LSM14B: variants seen among roughly 807,000 people sequenced by gnomAD.
The protein encoded by LSM14B is protein LSM14 homolog B.
LSM14B carries 8 observed loss-of-function variants against 42.1 expected under a neutral mutation model. The observed-to-expected ratio is 0.19, with a 90% CI of 0.11 to 0.34. The LOEUF is 0.34. Ranked by LOEUF, LSM14B falls within the 10% of genes least tolerant of loss-of-function variation. LSM14B has a pLI of 1.00. For missense variants in LSM14B, 396 were observed against 513.1 expected (o/e 0.77, Z 2.21); for synonymous variants, 219 against 209.7 (o/e 1.04, Z -0.38).
At position 62,122,504 on chromosome 20, in the gene LSM14B, T is replaced by A. The variant is rs2056428795; in HGVS notation, c.-163T>A. On this transcript the variant is annotated 5_prime_UTR_variant, in exon 1 of 9. Coordinates refer to ENST00000279068, the MANE Select transcript of LSM14B (RefSeq NM_144703.3). This position sits in a 1 kb window ranked among gnomAD's most constrained non-coding sequence, Gnocchi z 4.6. ...GCGCGCCCCTTCTTGGTTCGCTCGG[T>A]GCCCGCGCAGGCCCCTCGGGCGGTG... 2.7e-6 allele frequency: 1 copy of A among 374,644 alleles called. No individual in the cohort carries two copies. Among genetic ancestry groups the A allele is most frequent in the Non-Finnish European group, 3.7e-6 (1 of 272,206 alleles). 23.2% of individuals were successfully genotyped at this position (374,644 alleles called of 1,614,324 possible).
intron 3 of LSM14B, chr20:62,127,520 A>G: frequency 8.6e-7 from 1 of 1,156,444 alleles, no homozygotes; most frequent in Non-Finnish European, 1.3e-6. Flanking sequence ...GCTAGACACA[A>G]GACAAGTGTA....
At chr20:62,132,368 C>T (rs2056792428) in intron 7 of LSM14B, among the ~76,000 whole-genome samples, 1 of 152,180 alleles carries the variant, frequency 6.6e-6, no homozygotes, top group Admixed American at 6.5e-5. Flanking sequence ...CCGCGGGAAG[C>T]CATCAGAGGG....
chr20:62,126,239 CTGA>C, intron 2 of LSM14B, 62 bp from the exon 3 acceptor site: 1 of 1,610,978 alleles, frequency 6.2e-7, no homozygotes, highest in Non-Finnish European at 8.5e-7. Flanking sequence ...AACAAGCGCC[CTGA>C]TGAAGGCGTG....
chr20:62,122,917 G>C lies in LSM14B; in HGVS notation c.127+124G>C. The C allele has an allele frequency of 1.2e-6, 1 of 858,546 alleles. No homozygotes were observed. Among genetic ancestry groups the C allele is most frequent in the Non-Finnish European group, 1.5e-6 (1 of 664,688 alleles). The allele number at this position is 858,546 out of a possible 1,614,324, so 53.2% of individuals were successfully genotyped here. Reference sequence around the variant, plus strand: ...CCAGACCCCGCCCAGAACCCACCCAGGGCACACCCGGCCCGAGATCCCCTG... The same window carrying C: ...CCAGACCCCGCCCAGAACCCACCCACGGCACACCCGGCCCGAGATCCCCTG... On this transcript the variant is annotated intron_variant, in intron 1 of 8. Transcript: ENST00000279068. This position sits in a 1 kb window ranked among gnomAD's most constrained non-coding sequence, Gnocchi z 4.6.
intron 7 of LSM14B, among the ~76,000 whole-genome samples, chr20:62,133,033 C>T (rs763968054): frequency 1.3e-5 from 2 of 152,196 alleles, no homozygotes; most frequent in Admixed American, 6.5e-5. Context: ...CAACTAGTAT[C>T]ACTGCTTGCC....
Position 62,125,067 on chromosome 20 carries a change from G to C in LSM14B, c.291+287G>C, listed in dbSNP as rs1280018734. On this transcript the variant is annotated intron_variant, in intron 2 of 8. Coordinates refer to ENST00000279068, the MANE Select transcript of LSM14B (RefSeq NM_144703.3). The stretch of plus-strand genomic sequence containing the variant: ...AGCTAATTTTTGTAATTTTAGTAGA[G>C]ACGGGGTTTCACCATGTTGGCCAGG... Among the ~76,000 whole-genome samples the C allele has an allele frequency of 2.0e-5, 3 of 152,094 alleles. No individual in the cohort carries two copies. The South Asian group carries it at 6.2e-4, about 32-fold the overall frequency.
chr20:62,130,065 C>T lies in LSM14B; in HGVS notation c.595+113C>T. On this transcript the variant is annotated intron_variant, in intron 4 of 8. Coordinates refer to ENST00000279068, the MANE Select transcript of LSM14B (RefSeq NM_144703.3). This position sits in a 1 kb window ranked among gnomAD's most constrained non-coding sequence, Gnocchi z 4.1. ...AAAAATACTACTCCCCCATCCTAAG[C>T]CCCATGTGCTTTTGCAGGGCAGGCC... The T allele has an allele frequency of 7.1e-7, 1 of 1,414,654 alleles. No individual in the cohort carries two copies. Among genetic ancestry groups the T allele is most frequent in the Non-Finnish European group, 9.5e-7 (1 of 1,057,294 alleles). 87.6% of individuals were successfully genotyped at this position (1,414,654 alleles called of 1,614,324 possible).
chr20:62,129,987 A>G (rs1377711653), intron 4 of LSM14B, 35 bp downstream of exon 4: 26 of 1,575,508 alleles, frequency 1.7e-5, no homozygotes, highest in Non-Finnish European at 2.1e-5. Flanking sequence ...AGTTTGCTTG[A>G]TGTTCTAAAA....
chr20:62,125,899 A>G (rs2056582185), intron 2 of LSM14B, among the ~76,000 whole-genome samples: 1 of 152,146 alleles, frequency 6.6e-6, no homozygotes. Flanking sequence ...GTCTCTACCA[A>G]AAATACAAAA....
chr20:62,135,120 A>G lies in LSM14B; in HGVS notation c.*972A>G, dbSNP rs1238057415. 1.3e-5 allele frequency: 2 copies of G among 152,220 alleles called. No individual in the cohort carries two copies. The highest frequency in any genetic ancestry group is 3.8e-4 in the East Asian group (2 of 5,198). 9.4% of individuals were successfully genotyped at this position (152,220 alleles called of 1,614,324 possible). ...GGAGGGTGGGGTCTACATTTGTTGC[A>G]TGAGTCGATGGGTCAGAACTTTAGT... On this transcript the variant is annotated 3_prime_UTR_variant, in exon 9 of 9. Transcript: ENST00000279068.
chr20:62,124,573 C>T, intron 1 of LSM14B, 44 bp from the exon 2 acceptor site: 1 of 1,590,972 alleles, frequency 6.3e-7, no homozygotes, highest in Non-Finnish European at 8.6e-7. Context: ...GTTGATTGAA[C>T]TGGCTGAGGA....
At chr20:62,131,309 G>C in intron 6 of LSM14B, 47 bp from the exon 7 acceptor site, 1 of 1,546,726 alleles carries the variant, frequency 6.5e-7, no homozygotes, top group Non-Finnish European at 8.7e-7. Flanking sequence ...AAAAGGCTGT[G>C]CGCTCTGCCC....
At chr20:62,126,654 G>A (rs1424697184) in intron 3 of LSM14B, among the ~76,000 whole-genome samples, 1 of 152,202 alleles carries the variant, frequency 6.6e-6, no homozygotes, top group Non-Finnish European at 1.5e-5. Context: ...CCTGAGTGTT[G>A]GAACAGAAGA....
intron 7 of LSM14B, among the ~76,000 whole-genome samples, chr20:62,132,907 C>T (rs2056806505): frequency 6.6e-6 from 1 of 152,140 alleles, no homozygotes; most frequent in South Asian, 2.1e-4. Context: ...TCTATCCTAG[C>T]CTCCTCCTTG....
chr20:62,128,953 C>T, intron 3 of LSM14B: 8 of 1,304,016 alleles, frequency 6.1e-6, no homozygotes, highest in Non-Finnish European at 8.1e-6. Flanking sequence ...GATCTCTGTT[C>T]ACTTACACCC....
chr20:62,128,651 C>G (rs6121904), intron 3 of LSM14B, among the ~76,000 whole-genome samples: 100,313 of 152,106 alleles, frequency 0.66, 36,238 homozygotes, highest in Non-Finnish European at 0.8. Context: ...GTATGATCAG[C>G]AGGCAGGCAG....
intron 3 of LSM14B, chr20:62,127,889 G>C: frequency 1.4e-6 from 1 of 707,650 alleles, no homozygotes; most frequent in Non-Finnish European, 2.6e-6. Flanking sequence ...AAGGGATTAC[G>C]AAGAATCAGC....
rs74763052 is a variant in LSM14B, at chr20:62,126,209, C to G, written c.292-95C>G. 2.5e-6 allele frequency: 4 copies of G among 1,572,558 alleles called. No homozygotes were observed. In the African/African-American group the frequency reaches 4.0e-5, roughly 16 times the overall value. ...ATCTCAAGGGTGCAGGCTGATGGGA[C>G]GGTGCTTGTTTCCCAGCTGAACAAG... is the stretch of plus-strand genomic sequence containing the variant. On this transcript the variant is annotated intron_variant, in intron 2 of 8. Transcript: ENST00000279068.
Position 62,134,476 on chromosome 20 carries a change from T to TC in LSM14B, c.*328_*329insC. On this transcript the variant is annotated 3_prime_UTR_variant, in exon 9 of 9. Transcript: ENST00000279068. The stretch of plus-strand genomic sequence containing the variant: ...AAAGCTGAATCCTTACTTTGTGACT[T>TC]TTTTTTTTTTTTTTAATGACAAGCT... 6.9e-5 allele frequency: 2 copies of TC among 29,054 alleles called. No individual in the cohort carries two copies. Among genetic ancestry groups the TC allele is most frequent in the Non-Finnish European group, 1.7e-4 (1 of 6,018 alleles). The allele number at this position is 29,054 out of a possible 1,614,324, so 1.8% of individuals were successfully genotyped here. A position where few individuals can be genotyped will look rare whatever the true frequency, so the allele number is the denominator to read the frequency against.
Sources: gnomAD v4.1 joint callset for allele counts (sites outside exome capture counted in the v4.1 genomes callset) on GRCh38, gnomAD v4.1.1 for gene constraint, Gnocchi (gnomAD v3.1) non-coding constraint, MANE v1.5 for transcripts, NCBI Gene and HGNC (gene_info 2026-07-23, HGNC 2026-07-21) for gene names.